The following BNC2 variants were observed in gnomAD, a reference collection of about 807,000 sequenced individuals.
BNC2 encodes zinc finger protein basonuclin-2.
BNC2 carries 20 observed loss-of-function variants against 76.3 expected under a neutral mutation model. The ratio of observed to expected loss-of-function variants is 0.26; its 90% CI spans 0.18 to 0.38. The LOEUF (loss-of-function observed/expected upper bound fraction) is 0.38. Among genes scored for constraint, BNC2 ranks in the 10% least tolerant of loss-of-function variants. The pLI is 1.00. For synonymous variants in BNC2, 582 were observed against 514.8 expected (o/e 1.13, Z -1.77); for missense variants, 1,382 against 1,399.8 (o/e 0.99, Z 0.20).
intron 1 of BNC2, among the ~76,000 whole-genome samples, chr9:16,869,183 C>G (rs995319642): frequency 3.3e-5 from 5 of 151,430 alleles, no homozygotes; most frequent in African/African-American, 1.2e-4. Context: ...CTCACTTAAA[C>G]ACGGCTTTCA....
chr9:16,764,749 T>TTTA (rs58116387), intron 1 of BNC2, among the ~76,000 whole-genome samples: 1 of 151,692 alleles, frequency 6.6e-6, no homozygotes, highest in Non-Finnish European at 1.5e-5. Flanking sequence ...GTTTTTTTTT[T>TTTA]AATAAGAAGC....
At chr9:16,864,561 C>G (rs2136223775) in intron 1 of BNC2, among the ~76,000 whole-genome samples, 1 of 152,280 alleles carries the variant, frequency 6.6e-6, no homozygotes, top group East Asian at 1.9e-4. Context: ...AAAATTCCTT[C>G]ACAAACTGTT....
rs1825193758 is a variant in BNC2, at chr9:16,751,515, TA to T, written c.4-13031del. 4.0e-5 allele frequency among the ~76,000 whole-genome samples: 6 copies of T among 150,940 alleles called. No individual in the cohort carries two copies. The Admixed American group carries it at 4.0e-4, about 10-fold the overall frequency. ...CATTGCAGATTAATTTTTCTCAAAA[TA>T]AAAGTAAATATCAAACACTGTGAAG... On this transcript the variant is annotated intron_variant, in intron 1 of 6. Transcript: ENST00000380672.
chr9:16,453,905 AC>A (rs1332852875), intron 5 of BNC2, among the ~76,000 whole-genome samples: 1 of 152,162 alleles, frequency 6.6e-6, no homozygotes, highest in East Asian at 1.9e-4. Context: ...GCCCCAATCT[AC>A]CTTTTATGTC....
chr9:16,759,747 A>G (rs1783483956), intron 1 of BNC2, among the ~76,000 whole-genome samples: 1 of 147,768 alleles, frequency 6.8e-6, no homozygotes. Context: ...TTTTTGACAC[A>G]GAGTCTCGCT....
At chr9:16,488,993 G>C (rs1325339676) in intron 5 of BNC2, among the ~76,000 whole-genome samples, 1 of 152,036 alleles carries the variant, frequency 6.6e-6, no homozygotes, top group Non-Finnish European at 1.5e-5. Flanking sequence ...TATACACTAA[G>C]ACAATAGAAT....
At chr9:16,606,701 G>A (rs1820395694) in intron 3 of BNC2, among the ~76,000 whole-genome samples, 1 of 152,048 alleles carries the variant, frequency 6.6e-6, no homozygotes, top group Non-Finnish European at 1.5e-5. Flanking sequence ...GGGATTATAG[G>A]CTCCCGCCAC....
chr9:16,783,545 T>C (rs1053799888), intron 1 of BNC2, among the ~76,000 whole-genome samples: 1 of 152,232 alleles, frequency 6.6e-6, no homozygotes. Flanking sequence ...GGTTGTCTAA[T>C]GATTAAACAA....
intron 1 of BNC2, among the ~76,000 whole-genome samples, chr9:16,786,900 G>A (rs7860932): frequency 0.88 from 134,627 of 152,156 alleles, 59,599 homozygotes; most frequent in Non-Finnish European, 0.91. Context: ...GGTTGGGCAG[G>A]TTCTCCCCTC....
chr9:16,683,161 A>C (rs1822876251), intron 3 of BNC2, among the ~76,000 whole-genome samples: 1 of 152,208 alleles, frequency 6.6e-6, no homozygotes, highest in African/African-American at 2.4e-5. Flanking sequence ...AGTCATTCAA[A>C]ACCAAAGATA....
chr9:16,425,644 T>C (rs1337184464), intron 6 of BNC2, among the ~76,000 whole-genome samples: 2 of 152,224 alleles, frequency 1.3e-5, no homozygotes, highest in Admixed American at 1.3e-4. Context: ...GCATGACATA[T>C]ATGGAAAAGC....
At chr9:16,811,230 C>CAAAAAAAAAAAAAAAAAAA (rs58068661) in intron 1 of BNC2, among the ~76,000 whole-genome samples, 4 of 97,538 alleles carry the variant, frequency 4.1e-5, no homozygotes, top group African/African-American at 1.1e-4. Context: ...CTCAAAAGAC[C>CAAAAAAAAAAAAAAAAAAA]AAAAAAAAAA....
intron 5 of BNC2, among the ~76,000 whole-genome samples, chr9:16,505,514 C>T (rs1822605249): frequency 6.6e-6 from 1 of 152,068 alleles, no homozygotes; most frequent in South Asian, 2.1e-4. Context: ...GATTCAGAGC[C>T]AACCAAGGTC....
At position 16,419,419 on chromosome 9, in the gene BNC2, T is replaced by A; in HGVS notation, c.2870A>T (p.Tyr957Phe). 1 of 1,606,048 alleles carries A rather than the reference T, an allele frequency of 6.2e-7. No homozygotes were observed. The highest frequency in any genetic ancestry group is 8.5e-7 in the Non-Finnish European group (1 of 1,175,766). Residue 957 changes from tyrosine (Y) to phenylalanine (F), a missense_variant, in exon 7 of 7, where the codon TAC (tyrosine) becomes TTC (phenylalanine). Transcript: ENST00000380672. ...NGYGRGMAED[Y>F]MVLDLSTTSS... ...GGTGGTGCTCAAGTCAAGGACCATGTAGTCCTCTGCCATGCCTCTCCCATA... is the reference window on the plus strand; with the variant it reads ...GGTGGTGCTCAAGTCAAGGACCATGAAGTCCTCTGCCATGCCTCTCCCATA...
chr9:16,624,012 A>G (rs1820929672), intron 3 of BNC2, among the ~76,000 whole-genome samples: 1 of 152,188 alleles, frequency 6.6e-6, no homozygotes, highest in Non-Finnish European at 1.5e-5. Flanking sequence ...CCTAGTCAAG[A>G]ATTTCTTAAG....
At chr9:16,432,971 G>T (rs973902538) in intron 6 of BNC2, among the ~76,000 whole-genome samples, 1 of 152,130 alleles carries the variant, frequency 6.6e-6, no homozygotes, top group Non-Finnish European at 1.5e-5. Flanking sequence ...TGTGAATAAT[G>T]AGATTAAATC....
At chr9:16,571,857 A>G (rs1386638889) in intron 4 of BNC2, among the ~76,000 whole-genome samples, 1 of 152,286 alleles carries the variant, frequency 6.6e-6, no homozygotes, top group East Asian at 1.9e-4. Flanking sequence ...TAAAATATGA[A>G]GAACTGCTTG....
chr9:16,460,267 C>G (rs182552994), intron 5 of BNC2, among the ~76,000 whole-genome samples: 11 of 151,984 alleles, frequency 7.2e-5, no homozygotes, highest in Admixed American at 2.0e-4. Flanking sequence ...TCTAACAACC[C>G]TGAAATTCTC....
chr9:16,699,161 C>T, intron 3 of BNC2: 1 of 467,954 alleles, frequency 2.1e-6, no homozygotes, highest in East Asian at 7.0e-5. Context: ...GTTTTAAAAA[C>T]AGAAAGGCTA....
Sources: gnomAD v4.1 joint callset for allele counts (sites outside exome capture counted in the v4.1 genomes callset) on GRCh38, gnomAD v4.1.1 for gene constraint, MANE v1.5 for transcripts, NCBI Gene and HGNC (gene_info 2026-07-23, HGNC 2026-07-21) for gene names.